The following FRMD5 variants were observed in gnomAD, a reference collection of about 807,000 sequenced individuals.
FRMD5 encodes FERM domain-containing protein 5.
A neutral mutation model predicts 69.0 loss-of-function variants in FRMD5; 20 were observed. That is an observed-to-expected ratio of 0.29 (90% confidence interval 0.20 to 0.42). The LOEUF (loss-of-function observed/expected upper bound fraction) is 0.42. FRMD5 is among the 10% of genes least tolerant of loss of function. FRMD5 has a pLI of 1.00. For synonymous variants in FRMD5, 271 were observed against 260.1 expected, an observed-to-expected ratio of 1.04 and a Z score of -0.40; for missense variants, 595 against 708.6, an observed-to-expected ratio of 0.84 and a Z score of 1.82.
At chr15:43,929,271 T>C (rs2089635466) in intron 1 of FRMD5, among the ~76,000 whole-genome samples, 1 of 152,206 alleles carries the variant, frequency 6.6e-6, no homozygotes, top group Non-Finnish European at 1.5e-5. Context: ...TAAGGTTAAT[T>C]GCATTTTCTG....
At chr15:43,924,361 C>CAT in intron 1 of FRMD5, 52 bp from the exon 2 acceptor site, 1 of 1,081,544 alleles carries the variant, frequency 9.2e-7, no homozygotes. Flanking sequence ...TTCAGTGTAA[C>CAT]TTTTTTTTTT....
chr15:43,897,917 C>A (rs952761065), intron 7 of FRMD5, among the ~76,000 whole-genome samples: 1 of 151,610 alleles, frequency 6.6e-6, no homozygotes, highest in Non-Finnish European at 1.5e-5. Flanking sequence ...CATCTCCCCC[C>A]TCATTCTCTC....
At chr15:44,051,451 A>C (rs1285266481) in intron 1 of FRMD5, among the ~76,000 whole-genome samples, 3 of 151,678 alleles carry the variant, frequency 2.0e-5, no homozygotes, top group Non-Finnish European at 4.4e-5. Context: ...TTAAAGATTG[A>C]CAGTTGTAAA....
At chr15:44,157,664 A>G (rs1267282691) in intron 1 of FRMD5, among the ~76,000 whole-genome samples, 3 of 152,180 alleles carry the variant, frequency 2.0e-5, no homozygotes, top group Non-Finnish European at 4.4e-5. Flanking sequence ...CACTAGCTCT[A>G]TGGTATGCAA....
At chr15:43,931,421 C>T (rs766509520) in intron 1 of FRMD5, among the ~76,000 whole-genome samples, 4 of 152,028 alleles carry the variant, frequency 2.6e-5, no homozygotes, top group Admixed American at 6.6e-5. Flanking sequence ...TTATACCCCC[C>T]GATCCCCACT....
At chr15:43,928,678 ACAGT>A (rs1002543108) in intron 1 of FRMD5, among the ~76,000 whole-genome samples, 16 of 152,222 alleles carry the variant, frequency 1.1e-4, no homozygotes, top group South Asian at 4.1e-4. Flanking sequence ...ATATTCTGTG[ACAGT>A]CAGTCTTTTC....
chr15:44,013,857 C>CTTTTT (rs3040909), intron 1 of FRMD5, among the ~76,000 whole-genome samples: 5 of 131,580 alleles, frequency 3.8e-5, no homozygotes, highest in Admixed American at 8.0e-5. Flanking sequence ...GAGACACCTT[C>CTTTTT]TTTTTTTTTT....
intron 1 of FRMD5, among the ~76,000 whole-genome samples, chr15:44,165,023 C>T (rs1462049603): frequency 6.6e-6 from 1 of 152,170 alleles, no homozygotes; most frequent in Non-Finnish European, 1.5e-5. Context: ...CCCTAGCCTC[C>T]CTTTTTGTTG....
At chr15:44,046,737 T>C (rs573911881) in intron 1 of FRMD5, among the ~76,000 whole-genome samples, 1 of 152,340 alleles carries the variant, frequency 6.6e-6, no homozygotes, top group South Asian at 2.1e-4. Context: ...TACATTTTAG[T>C]GTTTGCAAAT....
At chr15:43,967,247 G>A (rs2140563320) in intron 1 of FRMD5, among the ~76,000 whole-genome samples, 1 of 147,612 alleles carries the variant, frequency 6.8e-6, no homozygotes, top group South Asian at 2.1e-4. Context: ...ATATATATAT[G>A]TTTGGGATGG....
At chr15:44,144,791 C>T (rs973590989) in intron 1 of FRMD5, among the ~76,000 whole-genome samples, 1 of 152,176 alleles carries the variant, frequency 6.6e-6, no homozygotes, top group African/African-American at 2.4e-5. Context: ...GAAACTGCAA[C>T]GGAGTGAGTC....
intron 1 of FRMD5, among the ~76,000 whole-genome samples, chr15:44,136,687 C>T (rs2706487): frequency 0.1 from 15,898 of 152,134 alleles, 1,277 homozygotes; most frequent in African/African-American, 0.23. Context: ...ATAAACACTG[C>T]CTTCTTTCTC....
intron 1 of FRMD5, among the ~76,000 whole-genome samples, chr15:44,166,783 C>CAAAAAAAA (rs1006711939): frequency 5.9e-4 from 31 of 52,758 alleles, no homozygotes; most frequent in African/African-American, 9.8e-4. Flanking sequence ...GACCCTATCT[C>CAAAAAAAA]AAAAAAAAAA....
At chr15:44,156,464 T>C (rs766498932) in intron 1 of FRMD5, among the ~76,000 whole-genome samples, 4 of 152,164 alleles carry the variant, frequency 2.6e-5, no homozygotes, top group Non-Finnish European at 4.4e-5. Flanking sequence ...ATTTTAACTA[T>C]AAATAGAGGC....
At chr15:44,090,013 GCA>G (rs2076449312) in intron 1 of FRMD5, among the ~76,000 whole-genome samples, 1 of 152,074 alleles carries the variant, frequency 6.6e-6, no homozygotes, top group South Asian at 2.1e-4. Context: ...CACCCTGCAT[GCA>G]CACACACGTG....
At chr15:44,197,452 G>C (rs2078320446), upstream of FRMD5, among the ~76,000 whole-genome samples, 1 of 152,112 alleles carries the variant, frequency 6.6e-6, no homozygotes, top group South Asian at 2.1e-4. Context: ...AGGAGGCCGA[G>C]GTGGGTGGAT....
intron 1 of FRMD5, among the ~76,000 whole-genome samples, chr15:43,957,856 C>G (rs2929279): frequency 0.1 from 15,859 of 152,162 alleles, 1,596 homozygotes; most frequent in African/African-American, 0.26. Flanking sequence ...AAGTCAGTAT[C>G]CTTGCATACT....
upstream of FRMD5, among the ~76,000 whole-genome samples, chr15:44,198,538 C>CA (rs1435241351): frequency 4.0e-5 from 6 of 151,862 alleles, no homozygotes. Context: ...TATGTCTCCA[C>CA]AAAAAAGCTC....
intron 1 of FRMD5, among the ~76,000 whole-genome samples, chr15:43,975,299 T>C (rs997817312): frequency 6.6e-6 from 1 of 152,192 alleles, no homozygotes; most frequent in Admixed American, 6.5e-5. Flanking sequence ...CCTCAATATC[T>C]AAATTACTAT....
Sources: allele counts gnomAD v4.1 joint callset (sites outside exome capture counted in the v4.1 genomes callset), GRCh38; gene constraint gnomAD v4.1.1; transcripts MANE v1.5; gene names NCBI Gene and HGNC (gene_info 2026-07-23, HGNC 2026-07-21).